Variants in GPR39 observed in about 807,000 individuals in gnomAD.
GPR39 encodes zinc sensing receptor.
In GPR39, 23 loss-of-function variants were observed where a neutral mutation model predicts 18.4. That is an observed-to-expected ratio of 1.25 (90% confidence interval 0.90 to 1.77). GPR39 has a LOEUF of 1.77. Ranked by LOEUF, GPR39 falls within the 40% of genes most tolerant of loss-of-function variation. GPR39 has a pLI of 0.00. For missense variants in GPR39, 647 were observed against 602.4 expected, an observed-to-expected ratio of 1.07 and a Z score of -0.78; for synonymous variants, 280 against 257.9, an observed-to-expected ratio of 1.09 and a Z score of -0.82.
intron 1 of GPR39, among the ~76,000 whole-genome samples, chr2:132,521,261 C>G (rs1370812239): frequency 6.6e-6 from 1 of 152,158 alleles, no homozygotes; most frequent in Non-Finnish European, 1.5e-5. Flanking sequence ...GAGACGTTGC[C>G]CCAACAAACT....
chr2:132,538,552 G>A (rs116771315), intron 1 of GPR39, among the ~76,000 whole-genome samples: 2,299 of 152,328 alleles, frequency 0.015, 72 homozygotes, highest in African/African-American at 0.053. Context: ...GGAGGCATCT[G>A]TTCCTTAGCA....
At chr2:132,443,081 T>A (rs773939759) in intron 1 of GPR39, among the ~76,000 whole-genome samples, 16 of 152,212 alleles carry the variant, frequency 1.1e-4, no homozygotes, top group Non-Finnish European at 2.1e-4. Flanking sequence ...TTCATTTACA[T>A]TTTAAAATTT....
chr2:132,523,523 G>A (rs1262235506), intron 1 of GPR39: 1 of 152,044 alleles, frequency 6.6e-6, no homozygotes, highest in African/African-American at 2.4e-5. Context: ...CACTGCTTGT[G>A]TGACTTTGGG....
intron 1 of GPR39, among the ~76,000 whole-genome samples, chr2:132,478,402 C>A (rs1456428539): frequency 4.3e-5 from 5 of 115,394 alleles, no homozygotes; most frequent in Non-Finnish European, 1.2e-4. Flanking sequence ...GAACACAGAT[C>A]ATTGTTAGAC....
intron 1 of GPR39, among the ~76,000 whole-genome samples, chr2:132,613,257 C>A (rs1170626468): frequency 6.6e-6 from 1 of 152,168 alleles, no homozygotes; most frequent in African/African-American, 2.4e-5. Flanking sequence ...TGCTCTAGCT[C>A]TGTCGCACTC....
chr2:132,551,862 G>A (rs932681013), intron 1 of GPR39, among the ~76,000 whole-genome samples: 4 of 152,088 alleles, frequency 2.6e-5, no homozygotes, highest in South Asian at 2.1e-4. Flanking sequence ...TAAGTCAAAC[G>A]GCAAAACACA....
At chr2:132,598,370 T>C (rs1680982921) in intron 1 of GPR39, among the ~76,000 whole-genome samples, 1 of 151,860 alleles carries the variant, frequency 6.6e-6, no homozygotes, top group Non-Finnish European at 1.5e-5. Context: ...AAGGGATTTT[T>C]TTTTTTTTAA....
intron 1 of GPR39, among the ~76,000 whole-genome samples, chr2:132,591,279 A>G (rs1462415562): frequency 6.4e-5 from 2 of 31,196 alleles, no homozygotes; most frequent in Non-Finnish European, 1.0e-4. Flanking sequence ...AAAAAAAAAC[A>G]AAAAAAAACA....
At chr2:132,599,410 TGCAACAGTTTTTGAG>T (rs1417443371) in intron 1 of GPR39, among the ~76,000 whole-genome samples, 1 of 152,192 alleles carries the variant, frequency 6.6e-6, no homozygotes, top group Non-Finnish European at 1.5e-5. Flanking sequence ...CGTCTGCCTT[TGCAACAGTTTTTGAG>T]GCAACTGACC....
At chr2:132,516,222 G>T (rs1380355452) in intron 1 of GPR39, among the ~76,000 whole-genome samples, 1 of 152,136 alleles carries the variant, frequency 6.6e-6, no homozygotes, top group Non-Finnish European at 1.5e-5. Context: ...TGTGTACCTC[G>T]TCAGAGCTGA....
intron 1 of GPR39, among the ~76,000 whole-genome samples, chr2:132,538,956 G>T (rs1034011529): frequency 2.0e-5 from 3 of 152,182 alleles, no homozygotes; most frequent in Non-Finnish European, 4.4e-5. Context: ...CTGTTGTGCT[G>T]GCAGCGGGAA....
intron 1 of GPR39, chr2:132,418,603 C>T (rs1679954151): frequency 6.6e-6 from 1 of 152,104 alleles, no homozygotes; most frequent in African/African-American, 2.4e-5. Flanking sequence ...TTTGAATAAT[C>T]ACCTCACAGA....
intron 1 of GPR39, among the ~76,000 whole-genome samples, chr2:132,600,402 G>A (rs1681017599): frequency 6.6e-6 from 1 of 151,736 alleles, no homozygotes; most frequent in Non-Finnish European, 1.5e-5. Context: ...AAAGATGAGA[G>A]CAGAACTAAA....
At chr2:132,570,766 T>C (rs541756771) in intron 1 of GPR39, among the ~76,000 whole-genome samples, 1 of 152,262 alleles carries the variant, frequency 6.6e-6, no homozygotes, top group South Asian at 2.1e-4. Context: ...GTTGACTTCC[T>C]TGTGACCAAA....
chr2:132,557,355 G>A (rs1029083220), intron 1 of GPR39, among the ~76,000 whole-genome samples: 1 of 152,116 alleles, frequency 6.6e-6, no homozygotes, highest in African/African-American at 2.4e-5. Context: ...GGATTTTTTA[G>A]TGTGTTCCCT....
At chr2:132,447,762 T>C (rs1680563168) in intron 1 of GPR39, among the ~76,000 whole-genome samples, 2 of 152,216 alleles carry the variant, frequency 1.3e-5, no homozygotes, top group South Asian at 2.1e-4. Context: ...TTAAAAACTT[T>C]AGAATATCAG....
chr2:132,467,033 A>G (rs112656196), intron 1 of GPR39, among the ~76,000 whole-genome samples: 2,797 of 152,332 alleles, frequency 0.018, 99 homozygotes, highest in African/African-American at 0.063. Context: ...GCTAATTGAC[A>G]GTAATACCCT....
At chr2:132,530,984 A>G (rs1679613454) in intron 1 of GPR39, among the ~76,000 whole-genome samples, 1 of 152,240 alleles carries the variant, frequency 6.6e-6, no homozygotes, top group South Asian at 2.1e-4. Flanking sequence ...TAATGACAGG[A>G]TCAGATTCAC....
chr2:132,531,917 C>T (rs1296750852), intron 1 of GPR39, among the ~76,000 whole-genome samples: 1 of 152,116 alleles, frequency 6.6e-6, no homozygotes, highest in African/African-American at 2.4e-5. Context: ...AAAATTGACA[C>T]CATAACATCA....
Sources: allele counts gnomAD v4.1 joint callset (sites outside exome capture counted in the v4.1 genomes callset), GRCh38; gene constraint gnomAD v4.1.1; transcripts MANE v1.5; gene names NCBI Gene and HGNC (gene_info 2026-07-23, HGNC 2026-07-21).